PIK3CD: variants seen among roughly 807,000 people sequenced by gnomAD.
PIK3CD encodes the protein phosphatidylinositol-4,5-bisphosphate 3-kinase catalytic subunit delta, also known as phosphatidylinositol 4,5-bisphosphate 3-kinase catalytic subunit delta isoform.
PIK3CD carries 20 observed loss-of-function variants against 122.9 expected under a neutral mutation model. The observed-to-expected ratio is 0.16, with a 90% CI of 0.11 to 0.24. The LOEUF (loss-of-function observed/expected upper bound fraction) is 0.24. Ranked by LOEUF, PIK3CD falls within the 10% of genes least tolerant of loss-of-function variation. The pLI, the probability that PIK3CD is intolerant of heterozygous loss-of-function variation, is 1.00. For missense variants in PIK3CD, 787 were observed against 1,406.3 expected (o/e 0.56, Z 7.04); for synonymous variants, 596 against 593.4 (o/e 1.00, Z -0.06).
At chr1:9,672,445 T>G (rs1645360038) in intron 1 of PIK3CD, 2 of 152,144 alleles carry the variant, frequency 1.3e-5, no homozygotes, top group South Asian at 2.1e-4. Flanking sequence ...TATTTATTTT[T>G]AGAGACAGGG....
At chr1:9,646,639 C>T in the PIK3CD span, among the ~76,000 whole-genome samples, 1 of 152,224 alleles carries the variant, frequency 6.6e-6, no homozygotes, top group East Asian at 1.9e-4. Context: ...GAATTTATGT[C>T]CTGTATTTAG....
intron 23 of PIK3CD, among the ~76,000 whole-genome samples, chr1:9,726,458 G>A (rs897649585): frequency 1.3e-5 from 2 of 152,130 alleles, no homozygotes; most frequent in South Asian, 2.1e-4. Flanking sequence ...GCAGTGAGCC[G>A]AGATCATGCC....
chr1:9,658,521 ATTT>A (rs1165670404), intron 1 of PIK3CD, among the ~76,000 whole-genome samples: 2 of 91,196 alleles, frequency 2.2e-5, no homozygotes, highest in Non-Finnish European at 3.9e-5. Flanking sequence ...TCCCAGCCAC[ATTT>A]TTTTTTTTTT....
At position 9,727,663 on chromosome 1, in the gene PIK3CD, GGAGATCAGGCCCA is replaced by G. The variant is rs557368301; in HGVS notation, c.*619_*631del. Reference sequence around the variant, plus strand: ...TGACTCACCACACCTCTACGGCTGGGGAGATCAGGCCCAGCCCCATAAAGGAGAATCTACGCTG... The same window carrying G: ...TGACTCACCACACCTCTACGGCTGGGGCCCCATAAAGGAGAATCTACGCTG... On this transcript the variant is annotated 3_prime_UTR_variant, in exon 24 of 24. Transcript: ENST00000377346. 152 of 218,154 alleles carry G rather than the reference GGAGATCAGGCCCA, an allele frequency of 7.0e-4. 1 individual carries two copies. The East Asian group carries it at 0.01, about 15-fold the overall frequency. The allele number at this position is 218,154 out of a possible 1,614,324, so 13.5% of individuals were successfully genotyped here.
the PIK3CD span, among the ~76,000 whole-genome samples, chr1:9,630,273 G>A: frequency 6.6e-6 from 1 of 152,246 alleles, no homozygotes; most frequent in Admixed American, 6.5e-5. Flanking sequence ...CTTGGATCAT[G>A]GACTGCAGGG....
At chr1:9,693,021 T>C (rs1277754584) in intron 2 of PIK3CD, among the ~76,000 whole-genome samples, 2 of 152,168 alleles carry the variant, frequency 1.3e-5, no homozygotes, top group Non-Finnish European at 2.9e-5. Context: ...TTTAATAATA[T>C]TTTTAATCCT....
intron 1 of PIK3CD, among the ~76,000 whole-genome samples, chr1:9,654,896 C>T (rs756630700): frequency 1.3e-5 from 2 of 149,662 alleles, no homozygotes; most frequent in East Asian, 1.9e-4. Flanking sequence ...TCTGTCTCTA[C>T]GAAAAATGCA....
the PIK3CD span, among the ~76,000 whole-genome samples, chr1:9,639,936 C>T: frequency 3.3e-5 from 5 of 151,890 alleles, no homozygotes; most frequent in Non-Finnish European, 5.9e-5. Context: ...GAGACGAGGG[C>T]TCACTATGTT....
At position 9,705,597 on chromosome 1, in the gene PIK3CD, G is replaced by A. The variant is rs528724238; in HGVS notation, c.-32-4827G>A. On this transcript the variant is annotated intron_variant, in intron 2 of 23. Coordinates refer to ENST00000377346, the MANE Select transcript of PIK3CD (RefSeq NM_005026.5). The stretch of plus-strand genomic sequence containing the variant: ...TGACTCAGATTAGAAAATATTTCCC[G>A]CTCATTCAACCAACAAAGGAATGGA... Among the ~76,000 whole-genome samples the A allele has an allele frequency of 9.9e-5, 15 of 152,120 alleles. No homozygotes were observed. The South Asian group carries it at 2.1e-3, about 21-fold the overall frequency.
At position 9,724,897 on chromosome 1, in the gene PIK3CD, G is replaced by A. The variant is rs757348342; in HGVS notation, c.2958G>A (p.Leu986=). The A allele has an allele frequency of 1.2e-6, 2 of 1,613,838 alleles. No homozygotes were observed. Among genetic ancestry groups the A allele is most frequent in the African/African-American group, 1.3e-5 (1 of 74,962 alleles). ...HLFALMRAAG[L]PELSCSKDIQ... ...TTGCCCTGATGCGGGCGGCAGGCCT[G>A]CCTGAGCTCAGCTGCTCCAAAGACA... The change falls in exon 23 of 24, where the codon CTG becomes CTA. Residue 986 remains leucine (L), a synonymous_variant. Transcript: ENST00000377346. The surrounding 1 kb of genome is among the most constrained non-coding windows in gnomAD (Gnocchi z 7.3).
chr1:9,635,785 C>A, the PIK3CD span, among the ~76,000 whole-genome samples: 1 of 152,240 alleles, frequency 6.6e-6, no homozygotes, highest in Non-Finnish European at 1.5e-5. Context: ...CACTGACAGA[C>A]TTCTCCCATG....
chr1:9,693,219 T>C (rs1311326061), intron 2 of PIK3CD, among the ~76,000 whole-genome samples: 1 of 152,072 alleles, frequency 6.6e-6, no homozygotes, highest in African/African-American at 2.4e-5. Context: ...TTATTTATTA[T>C]TTATTTATTT....
At chr1:9,693,943 C>G (rs573378981) in intron 2 of PIK3CD, among the ~76,000 whole-genome samples, 4 of 152,236 alleles carry the variant, frequency 2.6e-5, no homozygotes, top group Admixed American at 1.3e-4. Flanking sequence ...AGACCACCCC[C>G]CCAGGCCACA....
chr1:9,628,768 G>C, the PIK3CD span, among the ~76,000 whole-genome samples: 2 of 152,234 alleles, frequency 1.3e-5, no homozygotes, highest in South Asian at 4.1e-4. Flanking sequence ...GAGGGGAAGA[G>C]CTGGTGGCCA....
At chr1:9,707,473 G>T (rs1260395369) in intron 2 of PIK3CD, among the ~76,000 whole-genome samples, 1 of 151,848 alleles carries the variant, frequency 6.6e-6, no homozygotes, top group East Asian at 1.9e-4. Context: ...CAGGTATTAA[G>T]CCTAGTACCC....
At chr1:9,702,714 T>A (rs1646694033) in intron 2 of PIK3CD, among the ~76,000 whole-genome samples, 1 of 150,858 alleles carries the variant, frequency 6.6e-6, no homozygotes, top group African/African-American at 2.4e-5. Context: ...AGAGACGGGG[T>A]TTCACCATGT....
Position 9,710,611 on chromosome 1 carries a change from C to T in PIK3CD, c.141+15C>T, listed in dbSNP as rs753713947. 9.9e-5 allele frequency: 160 copies of T among 1,612,578 alleles called. 1 individual carries two copies. Among genetic ancestry groups the T allele is most frequent in the Middle Eastern group, 4.9e-4 (3 of 6,064 alleles). On this transcript the variant is annotated intron_variant, in intron 3 of 23. Transcript: ENST00000377346. The surrounding 1 kb of genome is among the most constrained non-coding windows in gnomAD (Gnocchi z 4.7). ...CCATCAAGCAGGTATGGCCTCCATC[C>T]GGTCCTCAGACCTTGGTGCTCAGAG...
chr1:9,653,730 CT>C (rs1490460237), intron 1 of PIK3CD: 2 of 1,177,044 alleles, frequency 1.7e-6, no homozygotes, highest in Non-Finnish European at 2.3e-6. Flanking sequence ...TTGGCTCTCT[CT>C]AGAGCAGAAA....
Position 9,719,798 on chromosome 1 carries a change from G to T in PIK3CD, c.1243-123G>T, listed in dbSNP as rs889716133. On this transcript the variant is annotated intron_variant, in intron 9 of 23. Transcript: ENST00000377346. The surrounding 1 kb of genome is among the most constrained non-coding windows in gnomAD (Gnocchi z 5.5). Reference sequence around the variant, plus strand: ...CCTTCCCCAAGCAGGGTCTCCCAGGGGTCTGGTTGGGAGATGTTAGCTGGG... The same window carrying T: ...CCTTCCCCAAGCAGGGTCTCCCAGGTGTCTGGTTGGGAGATGTTAGCTGGG... The T allele has an allele frequency of 1.5e-5, 12 of 824,908 alleles. No homozygotes were observed. The highest frequency in any genetic ancestry group is 1.9e-5 in the Non-Finnish European group (9 of 466,316). The allele number at this position is 824,908 out of a possible 1,614,324, so 51.1% of individuals were successfully genotyped here. A position where few individuals can be genotyped will look rare whatever the true frequency, so the allele number is the denominator to read the frequency against.
Sources: allele counts gnomAD v4.1 joint callset (sites outside exome capture counted in the v4.1 genomes callset), GRCh38; gene constraint gnomAD v4.1.1; non-coding constraint Gnocchi (gnomAD v3.1); transcripts MANE v1.5; gene names NCBI Gene and HGNC (gene_info 2026-07-23, HGNC 2026-07-21).